GBF1: variants seen among roughly 807,000 people sequenced by gnomAD.
The protein encoded by GBF1 is golgi brefeldin A resistant guanine nucleotide exchange factor 1.
Under a neutral mutation model 210.5 loss-of-function variants are expected in GBF1, and 114 were observed. The observed-to-expected ratio is 0.54, with a 90% CI of 0.47 to 0.63. The LOEUF (loss-of-function observed/expected upper bound fraction) is 0.63, where lower values mean the gene tolerates loss of function less well. Among genes scored for constraint, GBF1 ranks in the 30% least tolerant of loss-of-function variants. GBF1 has a pLI of 0.00. For synonymous variants in GBF1, 850 were observed against 889.2 expected (o/e 0.96, Z 0.78); for missense variants, 1,851 against 2,357.7 (o/e 0.79, Z 4.45).
intron 3 of GBF1, among the ~76,000 whole-genome samples, chr10:102,316,506 C>G (rs1187207321): frequency 6.6e-6 from 1 of 152,200 alleles, no homozygotes; most frequent in African/African-American, 2.4e-5. Flanking sequence ...TTCTCCATCT[C>G]ATCACAATAT....
At chr10:102,302,242 G>C (rs987660343) in intron 3 of GBF1, among the ~76,000 whole-genome samples, 1 of 152,206 alleles carries the variant, frequency 6.6e-6, no homozygotes, top group Admixed American at 6.5e-5. Flanking sequence ...CTTGGCATCA[G>C]AGGGAGACTG....
At chr10:102,379,235 T>G in intron 33 of GBF1, 49 bp from the exon 34 acceptor site, 1 of 1,572,128 alleles carries the variant, frequency 6.4e-7, no homozygotes, top group South Asian at 1.1e-5. Flanking sequence ...GGGAAAGGGA[T>G]CCACGAGACC....
At chr10:102,341,110 G>A (rs1197191881) in intron 3 of GBF1, among the ~76,000 whole-genome samples, 2 of 152,160 alleles carry the variant, frequency 1.3e-5, no homozygotes, top group East Asian at 1.9e-4. Context: ...AAACTCAATA[G>A]TAAGAAAACA....
At chr10:102,339,381 T>C (rs1362935045) in intron 3 of GBF1, among the ~76,000 whole-genome samples, 1 of 150,232 alleles carries the variant, frequency 6.7e-6, no homozygotes, top group East Asian at 2.0e-4. Flanking sequence ...ACTTAGTATA[T>C]ATCGGCAGGG....
intron 1 of GBF1, among the ~76,000 whole-genome samples, chr10:102,249,925 C>T (rs2071297562): frequency 1.3e-5 from 2 of 152,072 alleles, no homozygotes; most frequent in Non-Finnish European, 2.9e-5. Context: ...CTCTTGACTT[C>T]GTGATCCGCC....
chr10:102,271,360 T>C (rs1484301100), intron 3 of GBF1, among the ~76,000 whole-genome samples: 1 of 152,034 alleles, frequency 6.6e-6, no homozygotes, highest in Non-Finnish European at 1.5e-5. Context: ...TTTTTAAAAT[T>C]TTTTGTAGAG....
In GBF1 at chr10:102,311,411, A is replaced by T. The variant is rs575221438; in HGVS notation, c.164-32640A>T. 1.1e-4 allele frequency among the ~76,000 whole-genome samples: 16 copies of T among 152,342 alleles called. No homozygotes were observed. In the South Asian group the frequency reaches 3.3e-3, roughly 32 times the overall value. ...CTGCAGGGGATGGGAAGGGAAAATG[A>T]AGTCATGGTACAGGAAATATAGGTG... On this transcript the variant is annotated intron_variant, in intron 3 of 39. Transcript: ENST00000369983.
intron 39 of GBF1, among the ~76,000 whole-genome samples, chr10:102,381,822 C>CG (rs1554985659): frequency 1.7e-5 from 1 of 57,690 alleles, no homozygotes; most frequent in Non-Finnish European, 3.2e-5. Flanking sequence ...GACCCTGTCG[C>CG]GAAAAAAAAA....
rs2072977350 is a variant in GBF1 at position 102,259,988 on chromosome 10, C to G, written c.97-62C>G. The G allele has an allele frequency of 6.7e-6, 6 of 894,812 alleles. No individual in the cohort carries two copies. The South Asian group carries it at 8.2e-5, about 12-fold the overall frequency. The allele number at this position is 894,812 out of a possible 1,614,324, so 55.4% of individuals were successfully genotyped here. A position where few individuals can be genotyped will look rare whatever the true frequency, so the allele number is the denominator to read the frequency against. On this transcript the variant is annotated intron_variant, in intron 2 of 39. Coordinates refer to ENST00000369983, the MANE Select transcript of GBF1 (RefSeq NM_001377137.1). ...TCATAGAAAGAGCCCTTGATCTGTCCTTTATTTTCCTTTTCCTCTTTTGGC... is the reference window on the plus strand; with the variant it reads ...TCATAGAAAGAGCCCTTGATCTGTCGTTTATTTTCCTTTTCCTCTTTTGGC...
chr10:102,250,948 ACT>A (rs1369303912), intron 1 of GBF1, among the ~76,000 whole-genome samples: 1 of 151,814 alleles, frequency 6.6e-6, no homozygotes, highest in East Asian at 1.9e-4. Context: ...CAAGAGCGAA[ACT>A]CTGTCTCAAA....
In GBF1 at chr10:102,286,017, G is replaced by A. The variant is rs564668880; in HGVS notation, c.163+25901G>A. Among the ~76,000 whole-genome samples the A allele has an allele frequency of 3.3e-5, 5 of 152,136 alleles. No individual in the cohort carries two copies. In the South Asian group the frequency reaches 1.0e-3, roughly 32 times the overall value. On this transcript the variant is annotated intron_variant, in intron 3 of 39. Transcript: ENST00000369983. ...TGTTTTCAAAGTAAACAAAATTGTA[G>A]CCTCTACTTACCTTCCTCCTTTCCC...
intron 4 of GBF1, 60 bp downstream of exon 4, chr10:102,344,242 G>T: frequency 6.5e-7 from 1 of 1,539,862 alleles, no homozygotes. Flanking sequence ...TTCCTGGGGT[G>T]CCCAGGCCTT....
chr10:102,352,054 C>A, intron 6 of GBF1, 103 bp downstream of exon 6: 2 of 740,024 alleles, frequency 2.7e-6, no homozygotes, highest in East Asian at 2.5e-5. Flanking sequence ...CAGGACTTCT[C>A]CATCATCTAT....
At chr10:102,367,366 T>C in intron 20 of GBF1, 112 bp from the exon 21 acceptor site, 1 of 1,142,570 alleles carries the variant, frequency 8.8e-7, no homozygotes, top group Non-Finnish European at 1.3e-6. Flanking sequence ...GGTGGGGAAG[T>C]GGGTTTTTTC....
chr10:102,314,728 A>AGCTAAC (rs2078785160), intron 3 of GBF1, among the ~76,000 whole-genome samples: 1 of 152,214 alleles, frequency 6.6e-6, no homozygotes, highest in African/African-American at 2.4e-5. Flanking sequence ...TAGCAGAAGC[A>AGCTAAC]TAATTTCTTT....
At position 102,343,998 on chromosome 10, in the gene GBF1, G is replaced by C; in HGVS notation, c.164-53G>C. On this transcript the variant is annotated intron_variant, in intron 3 of 39. Transcript: ENST00000369983. ...GGCACAAACAAGAAACTTTTTCCAG[G>C]GTTTAGTTTTCTCTTAGATGATACC... 4.6e-6 allele frequency: 7 copies of C among 1,532,324 alleles called. No homozygotes were observed. The East Asian group carries it at 1.6e-4, about 34-fold the overall frequency. 94.9% of individuals were successfully genotyped at this position (1,532,324 alleles called of 1,614,324 possible). A position where few individuals can be genotyped will look rare whatever the true frequency, so the allele number is the denominator to read the frequency against.
At chr10:102,369,459 G>C in intron 24 of GBF1, 72 bp downstream of exon 24, 1 of 1,235,146 alleles carries the variant, frequency 8.1e-7, no homozygotes, top group Non-Finnish European at 1.2e-6. Context: ...CCTGTACATA[G>C]AAGTAAGTGG....
chr10:102,231,996 G>A, the GBF1 span: 1 of 1,610,822 alleles, frequency 6.2e-7, no homozygotes, highest in South Asian at 1.1e-5. Context: ...CCGTGCTCTG[G>A]GAGCTGGGGG....
intron 3 of GBF1, among the ~76,000 whole-genome samples, chr10:102,328,150 A>C (rs1367746889): frequency 6.6e-6 from 1 of 152,168 alleles, no homozygotes; most frequent in Non-Finnish European, 1.5e-5. Context: ...ATCCCTTATC[A>C]TAAAGTTCTT....
Sources: gnomAD v4.1 joint callset for allele counts (sites outside exome capture counted in the v4.1 genomes callset) on GRCh38, gnomAD v4.1.1 for gene constraint, MANE v1.5 for transcripts, NCBI Gene and HGNC (gene_info 2026-07-23, HGNC 2026-07-21) for gene names.